SPPL3: variants seen among roughly 807,000 people sequenced by gnomAD.
The protein encoded by SPPL3 is signal peptide peptidase-like 3.
In SPPL3, 5 loss-of-function variants were observed where a neutral mutation model predicts 42.4. The observed-to-expected ratio is 0.12, with a 90% CI of 0.06 to 0.25. SPPL3 has a LOEUF of 0.25. Ranked by LOEUF, SPPL3 falls within the 10% of genes least tolerant of loss-of-function variation. SPPL3 has a pLI of 1.00. For missense variants in SPPL3, 235 were observed against 489.0 expected, an observed-to-expected ratio of 0.48 and a Z score of 4.90; for synonymous variants, 195 against 181.8, an observed-to-expected ratio of 1.07 and a Z score of -0.58.
chr12:120,796,147 G>T (rs1870088808), intron 2 of SPPL3, among the ~76,000 whole-genome samples: 1 of 152,146 alleles, frequency 6.6e-6, no homozygotes. Flanking sequence ...AGGCTAAGGT[G>T]GGTGGATCAC....
At chr12:120,793,699 GA>G (rs912542689) in intron 2 of SPPL3, among the ~76,000 whole-genome samples, 1 of 151,210 alleles carries the variant, frequency 6.6e-6, no homozygotes, top group African/African-American at 2.5e-5. Flanking sequence ...CCAGAACTCT[GA>G]AAAAATAAAT....
At chr12:120,883,985 C>G (rs1873369527) in intron 1 of SPPL3, among the ~76,000 whole-genome samples, 1 of 151,948 alleles carries the variant, frequency 6.6e-6, no homozygotes, top group African/African-American at 2.4e-5. Flanking sequence ...CCTCTAATCC[C>G]AGCTACTCAG....
At chr12:120,779,060 T>C (rs1869431796) in intron 6 of SPPL3, among the ~76,000 whole-genome samples, 1 of 152,186 alleles carries the variant, frequency 6.6e-6, no homozygotes, top group Non-Finnish European at 1.5e-5. Context: ...TATTGCAGCC[T>C]GGACAACAGA....
Position 120,806,133 on chromosome 12 carries a change from T to C in SPPL3, c.101+4676A>G, listed in dbSNP as rs992833219. ...TTTAAACGCGACAACAATCAAAACA[T>C]TGGCACTGGCATAAGAAGAGACATA... On this transcript the variant is annotated intron_variant, in intron 2 of 10. Transcript: ENST00000353487. Among the ~76,000 whole-genome samples the C allele has an allele frequency of 2.6e-5, 4 of 150,948 alleles. 1 individual carries two copies. The highest frequency in any genetic ancestry group is 2.1e-4 in the South Asian group (1 of 4,802).
chr12:120,820,518 G>A (rs1378194578), intron 1 of SPPL3, among the ~76,000 whole-genome samples: 5 of 151,700 alleles, frequency 3.3e-5, no homozygotes, highest in Non-Finnish European at 7.4e-5. Flanking sequence ...GGGTTTCACC[G>A]TGTTAGCCAG....
At chr12:120,885,292 C>T (rs189206182) in intron 1 of SPPL3, among the ~76,000 whole-genome samples, 5 of 152,302 alleles carry the variant, frequency 3.3e-5, no homozygotes, top group East Asian at 1.9e-4. Context: ...GTACCACTTA[C>T]GGTGTTCTTT....
At chr12:120,775,357 G>A (rs1869277030) in intron 6 of SPPL3, among the ~76,000 whole-genome samples, 1 of 152,116 alleles carries the variant, frequency 6.6e-6, no homozygotes, top group South Asian at 2.1e-4. Flanking sequence ...TCACCATGTT[G>A]GCCAGGCTGG....
intron 1 of SPPL3, among the ~76,000 whole-genome samples, chr12:120,844,710 C>T (rs1313212244): frequency 9.3e-5 from 14 of 150,736 alleles, no homozygotes; most frequent in African/African-American, 2.9e-4. Context: ...TTTTTTTAAG[C>T]AAAAGACAAA....
intron 1 of SPPL3, among the ~76,000 whole-genome samples, chr12:120,879,113 C>CAAAAAAA (rs63543261): frequency 1.1e-4 from 7 of 65,084 alleles, no homozygotes; most frequent in East Asian, 9.0e-4. Context: ...AACTCTGTCT[C>CAAAAAAA]AAAAAAAAAA....
At position 120,867,663 on chromosome 12, in the gene SPPL3, T is replaced by A. The variant is rs1304219118; in HGVS notation, c.23+36182A>T. Reference sequence around the variant, plus strand: ...AGCGAGACTCTGTCTTAAAAATGTATATATATATATACATACTTAATGGTG... The same window carrying A: ...AGCGAGACTCTGTCTTAAAAATGTAAATATATATATACATACTTAATGGTG... On this transcript the variant is annotated intron_variant, in intron 1 of 10. Transcript: ENST00000353487. 1.3e-4 allele frequency among the ~76,000 whole-genome samples: 20 copies of A among 151,242 alleles called. No homozygotes were observed. The South Asian group carries it at 2.5e-3, about 19-fold the overall frequency.
intron 2 of SPPL3, among the ~76,000 whole-genome samples, chr12:120,795,716 CTTATAATCTGCAGTT>C (rs1870075934): frequency 6.6e-6 from 1 of 152,030 alleles, no homozygotes. Context: ...GTTTTTTGTG[CTTATAATCTGCAGTT>C]TTGAATCTGC....
intron 1 of SPPL3, among the ~76,000 whole-genome samples, chr12:120,823,474 C>A (rs565721976): frequency 2.0e-5 from 3 of 152,254 alleles, no homozygotes; most frequent in Admixed American, 6.5e-5. Flanking sequence ...CTTGCAGGAT[C>A]TGACAACAGT....
intron 1 of SPPL3, among the ~76,000 whole-genome samples, chr12:120,834,259 C>T (rs1871532785): frequency 6.6e-6 from 1 of 152,168 alleles, no homozygotes; most frequent in Non-Finnish European, 1.5e-5. Context: ...GCTGCCTGAC[C>T]CTTCAACACA....
intron 1 of SPPL3, among the ~76,000 whole-genome samples, chr12:120,837,030 T>TA (rs1447423028): frequency 6.6e-6 from 1 of 152,096 alleles, no homozygotes; most frequent in African/African-American, 2.4e-5. Context: ...ATTATGTCAA[T>TA]AAAAATTTCA....
chr12:120,773,354 G>A (rs930149234), intron 6 of SPPL3, among the ~76,000 whole-genome samples: 3 of 152,258 alleles, frequency 2.0e-5, no homozygotes, highest in African/African-American at 4.8e-5. Flanking sequence ...ACAGGTTTGT[G>A]TATAGATACT....
intron 1 of SPPL3, among the ~76,000 whole-genome samples, chr12:120,879,528 C>G (rs1471395140): frequency 6.6e-6 from 1 of 152,060 alleles, no homozygotes; most frequent in Non-Finnish European, 1.5e-5. Context: ...ATATTTAAAG[C>G]AAAATTAAAC....
At chr12:120,844,627 CA>C (rs1026529596) in intron 1 of SPPL3, among the ~76,000 whole-genome samples, 2 of 152,160 alleles carry the variant, frequency 1.3e-5, no homozygotes, top group African/African-American at 4.8e-5. Context: ...ATACCCAACT[CA>C]TTCCCACCGT....
At chr12:120,855,704 AAAG>A (rs1355953904) in intron 1 of SPPL3, among the ~76,000 whole-genome samples, 1 of 145,452 alleles carries the variant, frequency 6.9e-6, no homozygotes, top group African/African-American at 2.7e-5. Flanking sequence ...CAAAAAAAAA[AAAG>A]AAAAGAAAAG....
chr12:120,903,044 C>G (rs1262194284), intron 1 of SPPL3, among the ~76,000 whole-genome samples: 1 of 152,146 alleles, frequency 6.6e-6, no homozygotes, highest in Non-Finnish European at 1.5e-5. Context: ...GAGCTACTTA[C>G]TAACTTTAAA....
Sources: allele counts gnomAD v4.1 joint callset (sites outside exome capture counted in the v4.1 genomes callset), GRCh38; gene constraint gnomAD v4.1.1; transcripts MANE v1.5; gene names NCBI Gene and HGNC (gene_info 2026-07-23, HGNC 2026-07-21).